APOD: variants seen among roughly 807,000 people sequenced by gnomAD.
APOD encodes apolipoprotein D, also known as apo-D.
APOD carries 22 observed loss-of-function variants against 20.4 expected under a neutral mutation model. That is an observed-to-expected ratio of 1.08 (90% confidence interval 0.77 to 1.54). The LOEUF (loss-of-function observed/expected upper bound fraction) is 1.54. APOD is among the 40% of genes most tolerant of loss of function. The pLI, the probability that APOD is intolerant of heterozygous loss-of-function variation, is 0.00. For missense variants in APOD, 223 were observed against 229.6 expected (o/e 0.97, Z 0.19); for synonymous variants, 97 against 92.4 (o/e 1.05, Z -0.29).
intron 4 of APOD, chr3:195,570,754 T>C (rs904129705): frequency 9.4e-5 from 15 of 160,194 alleles, no homozygotes; most frequent in African/African-American, 3.6e-4. Flanking sequence ...CCTTCCTCAG[T>C]TAGCTCAGAA....
chr3:195,582,063 G>A (rs1720348344), intron 1 of APOD, among the ~76,000 whole-genome samples: 1 of 152,070 alleles, frequency 6.6e-6, no homozygotes, highest in African/African-American at 2.4e-5. Flanking sequence ...CATGCTGCCT[G>A]TAATTACATG....
intron 1 of APOD, 148 bp from the exon 2 acceptor site, chr3:195,579,643 G>T: frequency 1.2e-6 from 1 of 847,692 alleles, no homozygotes; most frequent in Non-Finnish European, 1.8e-6. Flanking sequence ...TCCTGCAGGG[G>T]AACACCTGCC....
intron 3 of APOD, among the ~76,000 whole-genome samples, chr3:195,573,219 A>G (rs1720195543): frequency 6.6e-6 from 1 of 152,220 alleles, no homozygotes; most frequent in Non-Finnish European, 1.5e-5. Context: ...CTGCATTTGT[A>G]TTTTCAAGAG....
intron 3 of APOD, among the ~76,000 whole-genome samples, chr3:195,572,334 T>A (rs991390872): frequency 3.3e-5 from 5 of 152,302 alleles, no homozygotes; most frequent in African/African-American, 1.2e-4. Context: ...ATTTACTTTA[T>A]CTCAGTGATT....
At chr3:195,573,667 T>C (rs947683612) in intron 3 of APOD, among the ~76,000 whole-genome samples, 183 bp downstream of exon 3, 1 of 152,164 alleles carries the variant, frequency 6.6e-6, no homozygotes, top group African/African-American at 2.4e-5. Context: ...GTCATGGAAA[T>C]GCATAAGTGG....
intron 3 of APOD, 28 bp downstream of exon 3, chr3:195,573,822 C>A (rs762274395): frequency 1.9e-6 from 3 of 1,611,626 alleles, no homozygotes; most frequent in Non-Finnish European, 1.7e-6. Flanking sequence ...CTCCGCAGGC[C>A]TGGCCCCGGA....
chr3:195,583,244 G>T (rs558370155), intron 1 of APOD: 1 of 152,186 alleles, frequency 6.6e-6, no homozygotes, highest in Non-Finnish European at 1.5e-5. Context: ...GGACAGGCTA[G>T]AATGTAAGCC....
chr3:195,582,158 C>T (rs1343610065), intron 1 of APOD, among the ~76,000 whole-genome samples: 2 of 152,096 alleles, frequency 1.3e-5, no homozygotes, highest in Non-Finnish European at 2.9e-5. Flanking sequence ...TGCATCATTG[C>T]ACTCCAGCCT....
At chr3:195,583,114 G>T (rs1720369923) in intron 1 of APOD, 2 of 152,182 alleles carry the variant, frequency 1.3e-5, no homozygotes, top group Admixed American at 6.5e-5. Flanking sequence ...TATGCGCTCA[G>T]TCTCCACAGC....
chr3:195,579,766 G>A (rs1720304171), intron 1 of APOD, among the ~76,000 whole-genome samples: 1 of 152,174 alleles, frequency 6.6e-6, no homozygotes, highest in African/African-American at 2.4e-5. Flanking sequence ...ACCTAATTAT[G>A]CATCTCCCAG....
intron 4 of APOD, among the ~76,000 whole-genome samples, chr3:195,569,786 GTTTTTT>G (rs543541862): frequency 3.7e-5 from 2 of 54,054 alleles, no homozygotes; most frequent in Non-Finnish European, 6.9e-5. Flanking sequence ...CTTCTTCTTC[GTTTTTT>G]TTTTTTTTTT....
At chr3:195,569,993 G>T (rs1475838352) in intron 4 of APOD, among the ~76,000 whole-genome samples, 1 of 151,674 alleles carries the variant, frequency 6.6e-6, no homozygotes, top group Non-Finnish European at 1.5e-5. Flanking sequence ...TAGAGACAGG[G>T]TTTCACCATG....
rs779635482 is a variant in APOD, at chr3:195,579,381, C to G, written c.81G>C (p.Lys27Asn). The change falls in exon 2 of 5, where the codon AAG becomes AAC. Residue 27 changes from lysine to asparagine, a missense_variant. Lys to Asn is a moderately conservative substitution (Grantham distance 94, BLOSUM62 0). Coordinates refer to ENST00000343267, the MANE Select transcript of APOD (RefSeq NM_001647.4). ...TCTCCTGCACCGGAGGATTGGGGCA[C>G]TTCCCAAGATGAAATGCTTGTCCCT... ...AAEGQAFHLG[K>N]CPNPPVQENF... 10 of 1,614,250 alleles carry G rather than the reference C, an allele frequency of 6.2e-6. No homozygotes were observed. The highest frequency in any genetic ancestry group is 7.6e-6 in the Non-Finnish European group (9 of 1,180,046).
intron 3 of APOD, 83 bp from the exon 4 acceptor site, chr3:195,571,448 A>C: frequency 3.0e-6 from 4 of 1,323,282 alleles, no homozygotes; most frequent in Non-Finnish European, 4.2e-6. Flanking sequence ...TAAGCAACGA[A>C]AGGCAAGATT....
At chr3:195,575,379 GCAAAGTAACATT>G (rs1477525224) in intron 2 of APOD, among the ~76,000 whole-genome samples, 1 of 152,178 alleles carries the variant, frequency 6.6e-6, no homozygotes, top group Non-Finnish European at 1.5e-5. Flanking sequence ...CTTTTCCCAT[GCAAAGTAACATT>G]CACAAGGTTA....
At chr3:195,575,791 C>T (rs1720238166) in intron 2 of APOD, among the ~76,000 whole-genome samples, 1 of 152,068 alleles carries the variant, frequency 6.6e-6, no homozygotes, top group Non-Finnish European at 1.5e-5. Flanking sequence ...CCATGCCCGG[C>T]TAATTTTTGT....
chr3:195,569,382 G>A (rs1234126459), intron 4 of APOD, among the ~76,000 whole-genome samples: 1 of 151,990 alleles, frequency 6.6e-6, no homozygotes, highest in Non-Finnish European at 1.5e-5. Flanking sequence ...CAGAGAGAGA[G>A]ACAGAGAGAG....
intron 2 of APOD, among the ~76,000 whole-genome samples, chr3:195,574,237 A>G (rs2108969102): frequency 6.6e-6 from 1 of 152,308 alleles, no homozygotes; most frequent in Middle Eastern, 3.4e-3. Flanking sequence ...AGACTCTGTA[A>G]AAAAAGGGGA....
intron 2 of APOD, among the ~76,000 whole-genome samples, chr3:195,577,391 A>G (rs1056870784): frequency 6.6e-6 from 1 of 152,252 alleles, no homozygotes; most frequent in Non-Finnish European, 1.5e-5. Context: ...TAATATTGTT[A>G]AGATGGCAGT....
Sources: allele counts gnomAD v4.1 joint callset (sites outside exome capture counted in the v4.1 genomes callset), GRCh38; gene constraint gnomAD v4.1.1; transcripts MANE v1.5; gene names NCBI Gene and HGNC (gene_info 2026-07-23, HGNC 2026-07-21).